The following GRK2 variants were observed in gnomAD, a reference collection of about 807,000 sequenced individuals.
GRK2 encodes the protein G protein-coupled receptor kinase 2, also known as adrenergic beta receptor kinase 1.
GRK2 carries 23 observed loss-of-function variants against 97.8 expected under a neutral mutation model. That is an observed-to-expected ratio of 0.24 (90% CI 0.17 to 0.33). The LOEUF (loss-of-function observed/expected upper bound fraction) is 0.33, where lower values mean the gene tolerates loss of function less well. Ranked by LOEUF, GRK2 falls within the 10% of genes least tolerant of loss-of-function variation. The pLI is 1.00. For synonymous variants in GRK2, 425 were observed against 381.7 expected (o/e 1.11, Z -1.32); for missense variants, 633 against 956.9 (o/e 0.66, Z 4.47).
chr11:67,278,109 T>C (rs1183974692), intron 2 of GRK2, among the ~76,000 whole-genome samples: 1 of 152,242 alleles, frequency 6.6e-6, no homozygotes, highest in African/African-American at 2.4e-5. Flanking sequence ...GAGATGGGAC[T>C]CATGAGTCCG....
At chr11:67,280,104 C>A in intron 6 of GRK2, 1 of 598,208 alleles carries the variant, frequency 1.7e-6, no homozygotes, top group Non-Finnish European at 3.0e-6. Flanking sequence ...CAGCACCAGG[C>A]AGCTCAAAGC....
chr11:67,282,754 A>T lies in GRK2; in HGVS notation c.1163A>T (p.His388Leu). 6.2e-7 allele frequency: 1 copy of T among 1,611,420 alleles called. No individual in the cohort carries two copies. Among genetic ancestry groups the T allele is most frequent in the South Asian group, 1.1e-5 (1 of 90,982 alleles). The change falls in exon 14 of 21, where the codon CAC becomes CTC. Residue 388 changes from histidine (H) to leucine (L), a missense_variant and splice_region_variant. Around this residue, in one of 4 missense-constraint regions of GRK2, gnomAD observed 192 missense variants for 362.3 expected, o/e 0.53. Transcript: ENST00000308595. The surrounding 1 kb of genome is among the most constrained non-coding windows in gnomAD (Gnocchi z 6.9). Reference protein sequence around the residue: ...GCMLFKLLRGHSPFRQHKTKD... With the variant: ...GCMLFKLLRGLSPFRQHKTKD... Reference sequence around the variant, plus strand: ...GGTTTTTGGCCTTTCTTGCCCAGGCACAGCCCCTTCCGGCAGCACAAGACC... The same window carrying T: ...GGTTTTTGGCCTTTCTTGCCCAGGCTCAGCCCCTTCCGGCAGCACAAGACC...
Position 67,282,609 on chromosome 11 carries a change from G to C in GRK2, c.1160+67G>C, listed in dbSNP as rs1352067001. ...GAGAAGTTCCTCCCCAATCCAGGTG[G>C]GATGCCAAAGGAGGGGAGCCCATAG... On this transcript the variant is annotated intron_variant, in intron 13 of 20. Coordinates refer to ENST00000308595, the MANE Select transcript of GRK2 (RefSeq NM_001619.5). The surrounding 1 kb of genome is among the most constrained non-coding windows in gnomAD (Gnocchi z 6.9). 111 of 1,572,558 alleles carry C rather than the reference G, an allele frequency of 7.1e-5. No individual in the cohort carries two copies. Among genetic ancestry groups the C allele is most frequent in the Non-Finnish European group, 9.3e-5 (107 of 1,148,378 alleles).
At chr11:67,277,107 C>T (rs1860047200) in intron 1 of GRK2, 165 bp from the exon 2 acceptor site, 1 of 610,864 alleles carries the variant, frequency 1.6e-6, no homozygotes, top group Admixed American at 2.9e-5. Flanking sequence ...TCCTTGAAGC[C>T]TTCTGGTCTG....
At chr11:67,274,495 C>CTTTGTTTTTTTTTTTTT (rs1859982129) in intron 1 of GRK2, among the ~76,000 whole-genome samples, 1 of 22,472 alleles carries the variant, frequency 4.4e-5, no homozygotes, top group Non-Finnish European at 9.4e-5. Flanking sequence ...TGACCAGCAC[C>CTTTGTTTTTTTTTTTTT]TTTTTTTTTT....
chr11:67,277,613 T>C (rs1461543235), intron 2 of GRK2, among the ~76,000 whole-genome samples: 2 of 152,242 alleles, frequency 1.3e-5, no homozygotes, highest in Non-Finnish European at 2.9e-5. Context: ...TTGGGGTTTT[T>C]GTTTTTGAGA....
chr11:67,270,776 T>C (rs1349213385), intron 1 of GRK2, among the ~76,000 whole-genome samples: 5 of 152,236 alleles, frequency 3.3e-5, no homozygotes, highest in Non-Finnish European at 5.9e-5. Context: ...TTCCAGAGCA[T>C]GCGTTTCACT....
rs940820222 is a variant in GRK2, at chr11:67,281,312, C to T, written c.647+128C>T. ...TCCTGTCTTGCCGTGCTGTTACCCC[C>T]GCAGGCTCCTCTGGCCCCAGCCCTC... On this transcript the variant is annotated intron_variant, in intron 8 of 20. Transcript: ENST00000308595. This position sits in a 1 kb window ranked among gnomAD's most constrained non-coding sequence, Gnocchi z 5.7. 14 of 1,078,334 alleles carry T rather than the reference C, an allele frequency of 1.3e-5. No homozygotes were observed. Among genetic ancestry groups the T allele is most frequent in the South Asian group, 8.4e-5 (6 of 71,148 alleles). 66.8% of individuals were successfully genotyped at this position (1,078,334 alleles called of 1,614,324 possible).
chr11:67,282,382 C>A lies in GRK2; in HGVS notation c.1052+17C>A. On this transcript the variant is annotated intron_variant, in intron 12 of 20. Transcript: ENST00000308595. This position sits in a 1 kb window ranked among gnomAD's most constrained non-coding sequence, Gnocchi z 6.9. ...TGCCAGCGTGTGAGTGCCCCCCACC[C>A]TCTCCCTCCCCACCCCTTGCCACTC... 1 of 1,611,792 alleles carries A rather than the reference C, an allele frequency of 6.2e-7. No homozygotes were observed. Among genetic ancestry groups the A allele is most frequent in the Non-Finnish European group, 8.5e-7 (1 of 1,178,470 alleles).
chr11:67,283,511 G>C, intron 15 of GRK2, 196 bp from the exon 16 acceptor site: 1 of 628,660 alleles, frequency 1.6e-6, no homozygotes, highest in Non-Finnish European at 2.8e-6. Flanking sequence ...ACTGGGCATA[G>C]GGTTGCAAAA....
rs1860167645 is a variant in GRK2 at position 67,282,204 on chromosome 11, C to T, written c.958-67C>T. 6.7e-7 allele frequency: 1 copy of T among 1,486,724 alleles called. No homozygotes were observed. Among genetic ancestry groups the T allele is most frequent in the African/African-American group, 1.4e-5 (1 of 71,694 alleles). The allele number at this position is 1,486,724 out of a possible 1,614,324, so 92.1% of individuals were successfully genotyped here. ...CCTCTCCAGTGAAGCAGTGACCCAG[C>T]TGGCATCTTGCCTGGCTGGGCCCCA... On this transcript the variant is annotated intron_variant, in intron 11 of 20. Coordinates refer to ENST00000308595, the MANE Select transcript of GRK2 (RefSeq NM_001619.5). The surrounding 1 kb of genome is among the most constrained non-coding windows in gnomAD (Gnocchi z 6.9).
rs2136488380 is a variant in GRK2, at chr11:67,269,813, G to C, written c.113+3001G>C. ...GGCTGGTGCCTGGGGATGTGTCTTG[G>C]CCAAGAACTGGGGCTGGCATCACAG... is the stretch of plus-strand genomic sequence containing the variant. On this transcript the variant is annotated intron_variant, in intron 1 of 20. Transcript: ENST00000308595. The surrounding 1 kb of genome is among the most constrained non-coding windows in gnomAD (Gnocchi z 4.1). Among the ~76,000 whole-genome samples the C allele has an allele frequency of 6.6e-6, 1 of 152,328 alleles. No individual in the cohort carries two copies. The highest frequency in any genetic ancestry group is 2.4e-5 in the African/African-American group (1 of 41,572).
intron 1 of GRK2, among the ~76,000 whole-genome samples, chr11:67,275,990 G>A (rs1860020184): frequency 6.6e-6 from 1 of 152,226 alleles, no homozygotes; most frequent in African/African-American, 2.4e-5. Flanking sequence ...CCACAGCCTG[G>A]GTGGCCAGTC....
intron 14 of GRK2, 75 bp from the exon 15 acceptor site, chr11:67,283,053 C>G: frequency 6.9e-7 from 1 of 1,459,050 alleles, no homozygotes; most frequent in Non-Finnish European, 9.6e-7. Flanking sequence ...GGGCCTGGAC[C>G]CCTCTCTCCC....
intron 4 of GRK2, 32 bp from the exon 5 acceptor site, chr11:67,279,594 T>G: frequency 1.2e-6 from 2 of 1,612,620 alleles, no homozygotes; most frequent in Non-Finnish European, 1.7e-6. Context: ...AGGACCCTGC[T>G]GAGAATTCAT....
chr11:67,285,252 C>A (rs1171708377), intron 20 of GRK2, 34 bp from the exon 21 acceptor site: 1 of 1,609,328 alleles, frequency 6.2e-7, no homozygotes, highest in Non-Finnish European at 8.5e-7. Flanking sequence ...CTGGGGAGAG[C>A]CCCAGCTGAC....
chr11:67,279,031 G>A (rs1860089988), intron 2 of GRK2, among the ~76,000 whole-genome samples, 169 bp from the exon 3 acceptor site: 2 of 152,218 alleles, frequency 1.3e-5, no homozygotes, highest in Non-Finnish European at 2.9e-5. Context: ...GAATCTTCAC[G>A]TTGGCAGCAG....
Position 67,285,546 on chromosome 11 carries a change from T to G in GRK2, c.*96T>G. 1.4e-6 allele frequency: 2 copies of G among 1,387,742 alleles called. No homozygotes were observed. The highest frequency in any genetic ancestry group is 1.9e-6 in the Non-Finnish European group (2 of 1,060,766). 86.0% of individuals were successfully genotyped at this position (1,387,742 alleles called of 1,614,324 possible). A position where few individuals can be genotyped will look rare whatever the true frequency, so the allele number is the denominator to read the frequency against. Reference sequence around the variant, plus strand: ...CGGAAAAGGTTTTATTTTGTAATTATTGTGATTTCCCGTGGCCCCAGCCTG... The same window carrying G: ...CGGAAAAGGTTTTATTTTGTAATTAGTGTGATTTCCCGTGGCCCCAGCCTG... On this transcript the variant is annotated 3_prime_UTR_variant, in exon 21 of 21. Coordinates refer to ENST00000308595, the MANE Select transcript of GRK2 (RefSeq NM_001619.5).
intron 1 of GRK2, among the ~76,000 whole-genome samples, chr11:67,274,524 C>CTTTTTTTTTTTTTTTTTTTTTTTTTT (rs1590848179): frequency 0.016 from 881 of 54,964 alleles, 1 homozygote; most frequent in Non-Finnish European, 0.021. Flanking sequence ...TTTTTTTTTG[C>CTTTTTTTTTTTTTTTTTTTTTTTTTT]TTTTTTTCAT....
Sources: gnomAD v4.1 joint callset for allele counts (sites outside exome capture counted in the v4.1 genomes callset) on GRCh38, gnomAD v4.1.1 for gene constraint, gnomAD v4.1.1 regional missense constraint, Gnocchi (gnomAD v3.1) non-coding constraint, MANE v1.5 for transcripts, NCBI Gene and HGNC (gene_info 2026-07-23, HGNC 2026-07-21) for gene names.